Variants in MRPL1 observed in about 807,000 individuals in gnomAD.
The protein encoded by MRPL1 is large ribosomal subunit protein uL1m.
A neutral mutation model predicts 38.0 loss-of-function variants in MRPL1; 28 were observed. The observed-to-expected ratio is 0.74, with a 90% confidence interval of 0.55 to 1.01. The LOEUF (loss-of-function observed/expected upper bound fraction) is 1.01, where lower values mean the gene tolerates loss of function less well. Ranked by LOEUF, MRPL1 falls within the 50% of genes least tolerant of loss-of-function variation. MRPL1 has a pLI of 0.00. For synonymous variants in MRPL1, 123 were observed against 126.7 expected (o/e 0.97, Z 0.20); for missense variants, 358 against 389.8 (o/e 0.92, Z 0.69).
At chr4:77,887,859 GATT>G (rs776923243) in intron 5 of MRPL1, among the ~76,000 whole-genome samples, 93 of 151,978 alleles carry the variant, frequency 6.1e-4, no homozygotes, top group African/African-American at 2.0e-3. Flanking sequence ...TTATTATTGT[GATT>G]ATTATTATTA....
At chr4:77,945,151 TTATTATTATTATTATTATTAC>T (rs1303630129) in intron 7 of MRPL1, among the ~76,000 whole-genome samples, 1 of 145,306 alleles carries the variant, frequency 6.9e-6, no homozygotes, top group Non-Finnish European at 1.5e-5. Flanking sequence ...ATTATTATTA[TTATTATTATTATTATTATTAC>T]TACTACTACT....
intron 2 of MRPL1, 86 bp from the exon 3 acceptor site, chr4:77,883,156 T>C (rs887424152): frequency 7.0e-6 from 6 of 857,442 alleles, no homozygotes; most frequent in Non-Finnish European, 8.3e-6. Flanking sequence ...CCTTTGTTTT[T>C]TTTTCTCTTA....
intron 7 of MRPL1, among the ~76,000 whole-genome samples, chr4:77,935,458 A>C (rs1378777147): frequency 6.6e-6 from 1 of 151,624 alleles, no homozygotes; most frequent in Non-Finnish European, 1.5e-5. Flanking sequence ...GCAGTGGCGC[A>C]TCTTGGCTCA....
intron 4 of MRPL1, among the ~76,000 whole-genome samples, chr4:77,885,728 C>T (rs1417608130): frequency 1.3e-5 from 2 of 151,984 alleles, no homozygotes; most frequent in Non-Finnish European, 2.9e-5. Context: ...TCATTAGCAC[C>T]CTGAATAAAT....
At chr4:77,910,381 A>G (rs1285719813) in intron 7 of MRPL1, among the ~76,000 whole-genome samples, 3 of 152,212 alleles carry the variant, frequency 2.0e-5, no homozygotes, top group Admixed American at 6.5e-5. Context: ...CTAGTAGTCC[A>G]AGCTCATTGA....
chr4:77,939,645 G>A (rs535641119), intron 7 of MRPL1, among the ~76,000 whole-genome samples: 19 of 152,278 alleles, frequency 1.2e-4, no homozygotes, highest in African/African-American at 4.6e-4. Flanking sequence ...TTTTTCCGAT[G>A]TTATCTTCTA....
chr4:77,899,353 C>A (rs929033293), intron 6 of MRPL1, among the ~76,000 whole-genome samples: 4 of 151,778 alleles, frequency 2.6e-5, no homozygotes, highest in African/African-American at 9.7e-5. Context: ...AATCACGAGC[C>A]CCCCCGCACC....
At chr4:77,863,523 G>A (rs1267353538) in intron 1 of MRPL1, among the ~76,000 whole-genome samples, 1 of 142,102 alleles carries the variant, frequency 7.0e-6, no homozygotes, top group Non-Finnish European at 1.5e-5. Context: ...TGGGAGTGCT[G>A]TGGTGCGATC....
At chr4:77,914,448 TA>T (rs2110250499) in intron 7 of MRPL1, among the ~76,000 whole-genome samples, 1 of 152,256 alleles carries the variant, frequency 6.6e-6, no homozygotes, top group East Asian at 1.9e-4. Flanking sequence ...AAATGGTAAA[TA>T]ATATATGCAA....
Position 77,903,463 on chromosome 4 carries a change from T to G in MRPL1, c.671-5803T>G, listed in dbSNP as rs182841976. On this transcript the variant is annotated intron_variant, in intron 6 of 8. Coordinates refer to ENST00000315567, the MANE Select transcript of MRPL1 (RefSeq NM_020236.4). Reference sequence around the variant, plus strand: ...TGCTGTCAGTGCTTATGTTCAACATTGTACTGGATGGAGGTCAGTGAAATA... The same window carrying G: ...TGCTGTCAGTGCTTATGTTCAACATGGTACTGGATGGAGGTCAGTGAAATA... Among the ~76,000 whole-genome samples the G allele has an allele frequency of 2.0e-3, 303 of 152,296 alleles. 1 individual carries two copies. The highest frequency in any genetic ancestry group is 3.6e-3 in the Non-Finnish European group (248 of 68,016).
intron 5 of MRPL1, 64 bp from the exon 6 acceptor site, chr4:77,894,075 A>T: frequency 1.1e-6 from 1 of 893,804 alleles, no homozygotes; most frequent in East Asian, 2.5e-5. Context: ...ACTACATTGT[A>T]CTTTTTCAGA....
At chr4:77,933,711 AC>A in intron 7 of MRPL1, among the ~76,000 whole-genome samples, 1 of 152,230 alleles carries the variant, frequency 6.6e-6, no homozygotes, top group Non-Finnish European at 1.5e-5. Context: ...ACAGAAAATT[AC>A]TTAAAGAAAT....
At chr4:77,863,346 G>A (rs1227786673) in intron 1 of MRPL1, among the ~76,000 whole-genome samples, 1 of 152,000 alleles carries the variant, frequency 6.6e-6, no homozygotes, top group African/African-American at 2.4e-5. Context: ...GGTCTAATTT[G>A]GATCAACGTT....
chr4:77,942,504 T>C (rs565468258), intron 7 of MRPL1, among the ~76,000 whole-genome samples: 16 of 152,346 alleles, frequency 1.1e-4, no homozygotes, highest in African/African-American at 3.6e-4. Flanking sequence ...CTATCTCATT[T>C]CTTAGGTCTA....
chr4:77,922,888 G>A (rs1048960815), intron 7 of MRPL1, among the ~76,000 whole-genome samples: 1 of 152,178 alleles, frequency 6.6e-6, no homozygotes, highest in African/African-American at 2.4e-5. Flanking sequence ...CTGTGTAATA[G>A]GTCATTGGAT....
At chr4:77,941,561 A>G (rs1475497325) in intron 7 of MRPL1, among the ~76,000 whole-genome samples, 1 of 151,950 alleles carries the variant, frequency 6.6e-6, no homozygotes, top group Non-Finnish European at 1.5e-5. Flanking sequence ...ACTGCTTATT[A>G]TTGGTCTGTT....
In MRPL1 at chr4:77,945,128, AATTATTATTATT is replaced by A. The variant is rs3056930; in HGVS notation, c.778-4637_778-4626del. The stretch of plus-strand genomic sequence containing the variant: ...ACCCAATAAACAGAGCTGCACCATC[AATTATTATTATT>A]ATTATTATTATTATTATTATTATTA... On this transcript the variant is annotated intron_variant, in intron 7 of 8. Coordinates refer to ENST00000315567, the MANE Select transcript of MRPL1 (RefSeq NM_020236.4). Among the ~76,000 whole-genome samples, 471 of 141,090 alleles carry A rather than the reference AATTATTATTATT, an allele frequency of 3.3e-3. 4 individuals are homozygous for A. The highest frequency in any genetic ancestry group is 0.011 in the Middle Eastern group (3 of 272). 92.6% of individuals were successfully genotyped at this position (141,090 alleles called of 152,430 possible). A position where few individuals can be genotyped will look rare whatever the true frequency, so the allele number is the denominator to read the frequency against.
chr4:77,908,772 C>G (rs1162983298), intron 6 of MRPL1, among the ~76,000 whole-genome samples: 1 of 152,176 alleles, frequency 6.6e-6, no homozygotes, highest in African/African-American at 2.4e-5. Context: ...TCACAAAGCT[C>G]CACTCAAGGT....
intron 7 of MRPL1, among the ~76,000 whole-genome samples, chr4:77,925,344 T>G (rs1196537075): frequency 1.3e-5 from 2 of 151,578 alleles, no homozygotes; most frequent in East Asian, 1.9e-4. Context: ...TTTTTTTTTT[T>G]TGTTTTTTGT....
Sources: gnomAD v4.1 joint callset for allele counts (sites outside exome capture counted in the v4.1 genomes callset) on GRCh38, gnomAD v4.1.1 for gene constraint, MANE v1.5 for transcripts, NCBI Gene and HGNC (gene_info 2026-07-23, HGNC 2026-07-21) for gene names.